Variants in DISC1 observed in about 807,000 individuals in gnomAD.
DISC1 encodes the protein DISC1 scaffold protein.
A neutral mutation model predicts 84.5 loss-of-function variants in DISC1; 57 were observed. That is an observed-to-expected ratio of 0.67 (90% CI 0.55 to 0.84). The LOEUF (loss-of-function observed/expected upper bound fraction) is 0.84. Among genes scored for constraint, DISC1 ranks in the 40% least tolerant of loss-of-function variants. The pLI, the probability that DISC1 is intolerant of heterozygous loss-of-function variation, is 0.00. For missense variants in DISC1, 1,000 were observed against 1,057.8 expected (o/e 0.95, Z 0.76); for synonymous variants, 411 against 415.2 (o/e 0.99, Z 0.12).
chr1:231,811,646 A>G (rs2125707738), intron 8 of DISC1, among the ~76,000 whole-genome samples: 1 of 152,294 alleles, frequency 6.6e-6, no homozygotes, highest in Non-Finnish European at 1.5e-5. Flanking sequence ...TGTGAGGGGT[A>G]CCCCAGGTGA....
chr1:231,859,038 G>A (rs76052154), intron 9 of DISC1, among the ~76,000 whole-genome samples: 2 of 152,142 alleles, frequency 1.3e-5, no homozygotes, highest in African/African-American at 4.8e-5. Context: ...CTGAGCTCAC[G>A]GTCTCATCTG....
At chr1:231,997,511 TC>T (rs1302645150) in intron 10 of DISC1, among the ~76,000 whole-genome samples, 1 of 152,078 alleles carries the variant, frequency 6.6e-6, no homozygotes, top group East Asian at 1.9e-4. Context: ...GACCTTTTCT[TC>T]CTCCTTCACA....
chr1:232,021,499 A>G (rs1243016009), intron 11 of DISC1, among the ~76,000 whole-genome samples: 1 of 152,162 alleles, frequency 6.6e-6, no homozygotes, highest in East Asian at 1.9e-4. Flanking sequence ...TTCCCAGCCT[A>G]ATGGCCATAG....
At chr1:231,722,917 T>C in intron 3 of DISC1, 1 of 1,285,330 alleles carries the variant, frequency 7.8e-7, no homozygotes, top group Non-Finnish European at 9.9e-7. Flanking sequence ...TAGATTTTTG[T>C]AGGGGGGAGA....
rs536540421 is a variant in DISC1 at position 231,722,089 on chromosome 1, C to G, written c.1117+20065C>G. On this transcript the variant is annotated intron_variant, in intron 3 of 12. Coordinates refer to ENST00000439617, the MANE Select transcript of DISC1 (RefSeq NM_018662.3). ...AATGGCATGAACCTGGGAGGCGGAG[C>G]TTGCAGTGAGCCAAGATCGCGCCAC... Among the ~76,000 whole-genome samples, 187 of 145,990 alleles carry G rather than the reference C, an allele frequency of 1.3e-3. 1 individual carries two copies. The highest frequency in any genetic ancestry group is 4.4e-3 in the African/African-American group (171 of 39,160).
At chr1:231,972,970 C>G (rs776501647) in intron 10 of DISC1, among the ~76,000 whole-genome samples, 2 of 152,052 alleles carry the variant, frequency 1.3e-5, no homozygotes, top group Non-Finnish European at 2.9e-5. Flanking sequence ...CTGACCCCAT[C>G]GCCTCATTTG....
In DISC1 at chr1:231,723,180, C is replaced by T. The variant is rs532838989; in HGVS notation, c.1117+21156C>T. On this transcript the variant is annotated intron_variant, in intron 3 of 12. Coordinates refer to ENST00000439617, the MANE Select transcript of DISC1 (RefSeq NM_018662.3). ...CCATATCTGCAGGTTTTACACTTGG[C>T]GAATGCTGTATTTTTGATTCATGTT... 3.1e-5 allele frequency: 26 copies of T among 843,056 alleles called. No individual in the cohort carries two copies. The African/African-American group carries it at 3.1e-4, about 10-fold the overall frequency. 52.2% of individuals were successfully genotyped at this position (843,056 alleles called of 1,614,324 possible).
intron 9 of DISC1, among the ~76,000 whole-genome samples, chr1:231,881,009 C>G (rs2086253907): frequency 6.6e-6 from 1 of 152,116 alleles, no homozygotes; most frequent in Non-Finnish European, 1.5e-5. Context: ...GGGTTGGAGC[C>G]CAGGCTGGCC....
intron 1 of DISC1, among the ~76,000 whole-genome samples, chr1:231,676,501 A>G (rs778864042): frequency 3.9e-5 from 6 of 152,244 alleles, no homozygotes; most frequent in African/African-American, 1.4e-4. Context: ...TACCTCTCCC[A>G]TAGTTTACCA....
intron 10 of DISC1, among the ~76,000 whole-genome samples, chr1:231,984,097 A>G (rs1357581950): frequency 2.0e-5 from 3 of 152,232 alleles, no homozygotes; most frequent in Admixed American, 2.0e-4. Flanking sequence ...GACTCCATAA[A>G]GTCATTACTG....
At chr1:231,647,349 G>GC (rs2060221628) in intron 1 of DISC1, among the ~76,000 whole-genome samples, 1 of 152,134 alleles carries the variant, frequency 6.6e-6, no homozygotes, top group Admixed American at 6.6e-5. Context: ...GTTTTTGTCA[G>GC]CTTTGTCAAA....
chr1:231,820,716 A>G (rs578226974), intron 9 of DISC1, among the ~76,000 whole-genome samples: 3 of 152,308 alleles, frequency 2.0e-5, no homozygotes, highest in African/African-American at 7.2e-5. Flanking sequence ...GAAGGAAGAG[A>G]GCTCATCTAT....
At chr1:231,861,956 C>T (rs1558662484) in intron 9 of DISC1, among the ~76,000 whole-genome samples, 3 of 152,072 alleles carry the variant, frequency 2.0e-5, no homozygotes, top group Non-Finnish European at 4.4e-5. Flanking sequence ...AAAAAAAAGT[C>T]CTGATTGGCA....
intron 2 of DISC1, among the ~76,000 whole-genome samples, chr1:231,697,928 G>A (rs2065921575): frequency 6.6e-6 from 1 of 151,838 alleles, no homozygotes; most frequent in African/African-American, 2.4e-5. Context: ...GCTCTTTATT[G>A]GTGAGTTAAC....
rs1324244017 is a variant in DISC1 at position 231,694,857 on chromosome 1, G to C, written c.1047+52G>C. On this transcript the variant is annotated intron_variant, in intron 2 of 12. Transcript: ENST00000439617. Reference sequence around the variant, plus strand: ...CCGAGATTGTCGTGAGCTCAGATTAGCACTGGGCAGACGGCAGGAAACGAG... The same window carrying C: ...CCGAGATTGTCGTGAGCTCAGATTACCACTGGGCAGACGGCAGGAAACGAG... The C allele has an allele frequency of 1.9e-6, 3 of 1,596,922 alleles. No individual in the cohort carries two copies. The Admixed American group carries it at 5.2e-5, about 28-fold the overall frequency.
intron 9 of DISC1, among the ~76,000 whole-genome samples, chr1:231,833,396 C>T (rs2082389367): frequency 6.6e-6 from 1 of 151,578 alleles, no homozygotes; most frequent in Non-Finnish European, 1.5e-5. Flanking sequence ...ACTTACCCTC[C>T]ACTGTGAGAG....
intron 9 of DISC1, among the ~76,000 whole-genome samples, chr1:231,890,184 C>T (rs867927711): frequency 2.6e-5 from 4 of 152,272 alleles, no homozygotes; most frequent in African/African-American, 7.2e-5. Flanking sequence ...CTGCACAGAG[C>T]TTTAATATAA....
At position 231,630,191 on chromosome 1, in the gene DISC1, A is replaced by G. The variant is rs182616310; in HGVS notation, c.67+3257A>G. 2.5e-3 allele frequency among the ~76,000 whole-genome samples: 379 copies of G among 152,268 alleles called. 6 individuals carry two copies. The highest frequency in any genetic ancestry group is 8.7e-3 in the African/African-American group (362 of 41,540). On this transcript the variant is annotated intron_variant, in intron 1 of 12. Coordinates refer to ENST00000439617, the MANE Select transcript of DISC1 (RefSeq NM_018662.3). This position sits in a 1 kb window ranked among gnomAD's most constrained non-coding sequence, Gnocchi z 4.4. Reference sequence around the variant, plus strand: ...TAATCTGCCCGCCTCAGCCTCCCAAAGTGCTGGGATTACAGGCATGAGCCA... The same window carrying G: ...TAATCTGCCCGCCTCAGCCTCCCAAGGTGCTGGGATTACAGGCATGAGCCA...
chr1:231,749,560 A>C (rs1261001770), intron 3 of DISC1, among the ~76,000 whole-genome samples: 12 of 152,168 alleles, frequency 7.9e-5, no homozygotes, highest in Admixed American at 7.9e-4. Flanking sequence ...TTTTTTTTAA[A>C]AAAGGAATTA....
Sources: allele counts gnomAD v4.1 joint callset (sites outside exome capture counted in the v4.1 genomes callset), GRCh38; gene constraint gnomAD v4.1.1; non-coding constraint Gnocchi (gnomAD v3.1); transcripts MANE v1.5; gene names NCBI Gene and HGNC (gene_info 2026-07-23, HGNC 2026-07-21).